Variants in AGK observed in about 807,000 individuals in gnomAD.
The protein encoded by AGK is acylglycerol kinase, also known as acylglycerol kinase, mitochondrial.
In AGK, 52 loss-of-function variants were observed where a neutral mutation model predicts 66.4. The observed-to-expected ratio is 0.78, with a 90% CI of 0.63 to 0.99. AGK has a LOEUF of 0.99. AGK is among the 50% of genes least tolerant of loss of function. The pLI is 0.00. For missense variants in AGK, 451 were observed against 506.6 expected, an observed-to-expected ratio of 0.89 and a Z score of 1.05; for synonymous variants, 182 against 181.1, an observed-to-expected ratio of 1.00 and a Z score of -0.04.
intron 2 of AGK, among the ~76,000 whole-genome samples, chr7:141,565,594 T>C (rs974912110): frequency 2.6e-5 from 4 of 151,470 alleles, no homozygotes; most frequent in African/African-American, 9.7e-5. Flanking sequence ...TGAGCTGAGA[T>C]CGTACCACTG....
At chr7:141,621,661 T>G in intron 8 of AGK, 71 bp from the exon 9 acceptor site, 1 of 943,216 alleles carries the variant, frequency 1.1e-6, no homozygotes, top group Non-Finnish European at 1.8e-6. Flanking sequence ...TGTGCATGAG[T>G]GCATGTGGCA....
chr7:141,630,859 C>T (rs889802064), intron 9 of AGK, among the ~76,000 whole-genome samples: 8 of 152,086 alleles, frequency 5.3e-5, no homozygotes, highest in African/African-American at 1.2e-4. Flanking sequence ...GGCGGAACAA[C>T]GGAAAGACTA....
chr7:141,627,509 A>G (rs1010092870), intron 9 of AGK, among the ~76,000 whole-genome samples: 1 of 152,218 alleles, frequency 6.6e-6, no homozygotes. Flanking sequence ...TGTTAGTTAC[A>G]TAGAGCTTGC....
chr7:141,592,357 G>A (rs766030396), intron 2 of AGK, among the ~76,000 whole-genome samples: 2 of 152,074 alleles, frequency 1.3e-5, no homozygotes, highest in Non-Finnish European at 2.9e-5. Flanking sequence ...TTCCATCTTC[G>A]CAGCTGGCAA....
intron 8 of AGK, among the ~76,000 whole-genome samples, chr7:141,618,778 G>T (rs1796762565): frequency 6.6e-6 from 1 of 152,122 alleles, no homozygotes; most frequent in South Asian, 2.1e-4. Context: ...GCCCTGTTTG[G>T]TTAGGAACTG....
intron 13 of AGK, among the ~76,000 whole-genome samples, chr7:141,645,119 T>C (rs1161681565): frequency 6.6e-6 from 1 of 152,132 alleles, no homozygotes; most frequent in African/African-American, 2.4e-5. Context: ...TCTCACTGCA[T>C]TGTACCCATA....
In AGK at chr7:141,652,945, TGA is replaced by T; in HGVS notation, c.*24_*25del. The T allele has an allele frequency of 6.2e-7, 1 of 1,613,314 alleles. No homozygotes were observed. Among genetic ancestry groups the T allele is most frequent in the Non-Finnish European group, 8.5e-7 (1 of 1,179,792 alleles). ...AGTGAGCAGCAGAAGACAAGCACTCTGAGACCACACTTTAGGCCACCGGTGGG... is the reference window on the plus strand; with the variant it reads ...AGTGAGCAGCAGAAGACAAGCACTCTGACCACACTTTAGGCCACCGGTGGG... On this transcript the variant is annotated 3_prime_UTR_variant, in exon 16 of 16. Transcript: ENST00000649286.
chr7:141,636,063 G>A (rs1797162501), intron 10 of AGK, among the ~76,000 whole-genome samples: 1 of 152,170 alleles, frequency 6.6e-6, no homozygotes, highest in Admixed American at 6.6e-5. Flanking sequence ...TTCTAATTCC[G>A]ATTAGGTGTC....
intron 5 of AGK, among the ~76,000 whole-genome samples, chr7:141,607,657 A>G (rs1796494120): frequency 6.6e-6 from 1 of 151,444 alleles, no homozygotes; most frequent in African/African-American, 2.4e-5. Flanking sequence ...TAATTTATCA[A>G]TTTTTTTTTC....
chr7:141,562,244 A>C (rs1164105707), intron 2 of AGK: 2 of 450,818 alleles, frequency 4.4e-6, no homozygotes, highest in Non-Finnish European at 8.9e-6. Context: ...TCTCGGGAGC[A>C]GTGTTACTCT....
chr7:141,608,036 T>G (rs796727058), intron 5 of AGK, among the ~76,000 whole-genome samples: 1 of 152,206 alleles, frequency 6.6e-6, no homozygotes, highest in Non-Finnish European at 1.5e-5. Context: ...AAATATTTAT[T>G]TAGTGCCCAC....
intron 10 of AGK, 74 bp from the exon 11 acceptor site, chr7:141,636,886 T>C: frequency 8.1e-7 from 1 of 1,235,638 alleles, no homozygotes; most frequent in Non-Finnish European, 1.2e-6. Flanking sequence ...ATGTATTGTC[T>C]GCCATGAATG....
chr7:141,596,642 G>A lies in AGK; in HGVS notation c.221+1G>A, dbSNP rs1796233815. The A allele has an allele frequency of 4.3e-6, 7 of 1,613,596 alleles. No individual in the cohort carries two copies. The highest frequency in any genetic ancestry group is 5.9e-6 in the Non-Finnish European group (7 of 1,179,550). ...TTCTCAATCCTGCAGCTTGCAAAGGGTAGTTCCGTTTGTGACTTGTTATAT... is the reference window on the plus strand; with the variant it reads ...TTCTCAATCCTGCAGCTTGCAAAGGATAGTTCCGTTTGTGACTTGTTATAT... On this transcript the variant is annotated splice_donor_variant, in intron 4 of 15. Transcript: ENST00000649286. LOFTEE classifies it high-confidence loss of function.
chr7:141,592,924 G>A (rs1022677816), intron 2 of AGK, among the ~76,000 whole-genome samples: 7 of 151,222 alleles, frequency 4.6e-5, no homozygotes, highest in Non-Finnish European at 7.4e-5. Flanking sequence ...GGCTGGTCTC[G>A]AACTCCTGAC....
intron 15 of AGK, among the ~76,000 whole-genome samples, chr7:141,652,195 T>C (rs1344620273): frequency 6.6e-6 from 1 of 152,226 alleles, no homozygotes; most frequent in Non-Finnish European, 1.5e-5. Context: ...GACAAGACTA[T>C]AGGTAAACAG....
In AGK at chr7:141,641,859, C is replaced by A. The variant is rs758056282; in HGVS notation, c.926C>A (p.Ser309Tyr). 4 of 1,587,070 alleles carry A rather than the reference C, an allele frequency of 2.5e-6. No individual in the cohort carries two copies. In the Admixed American group the frequency reaches 5.4e-5, roughly 21 times the overall value. The change falls in exon 13 of 16, where the codon TCC (serine) becomes TAC (tyrosine). Residue 309 changes from serine to tyrosine, a missense_variant. Ser to Tyr is a moderately radical substitution (Grantham distance 144). Coordinates refer to ENST00000649286, the MANE Select transcript of AGK (RefSeq NM_018238.4). ...SPEVWKDVQLSTIELSITTRN... is the reference protein window; with the variant it reads ...SPEVWKDVQLYTIELSITTRN... ...GAGGTCTGGAAAGATGTGCAGCTGT[C>A]CACCATTGAACTGTCCATCACAACA...
chr7:141,579,416 A>C (rs989079543), intron 2 of AGK, among the ~76,000 whole-genome samples: 7 of 144,610 alleles, frequency 4.8e-5, no homozygotes, highest in Admixed American at 4.8e-4. Context: ...TGGGAAGGCC[A>C]AACCGAGGAA....
At chr7:141,593,490 A>G (rs1043572247) in intron 3 of AGK, 4 of 663,956 alleles carry the variant, frequency 6.0e-6, no homozygotes, top group Non-Finnish European at 1.1e-5. Context: ...GTCTTTGTAG[A>G]TTTGTCTAAC....
chr7:141,631,092 C>G (rs1397568075), intron 9 of AGK, among the ~76,000 whole-genome samples: 1 of 152,084 alleles, frequency 6.6e-6, no homozygotes, highest in Non-Finnish European at 1.5e-5. Context: ...ATTTTTGGCT[C>G]ATGTAAAAGC....
Sources: allele counts gnomAD v4.1 joint callset (sites outside exome capture counted in the v4.1 genomes callset), GRCh38; gene constraint gnomAD v4.1.1; transcripts MANE v1.5; gene names NCBI Gene and HGNC (gene_info 2026-07-23, HGNC 2026-07-21).